SUGCT: variants seen among roughly 807,000 people sequenced by gnomAD.
SUGCT encodes the protein succinyl-CoA:glutarate CoA-transferase.
SUGCT carries 41 observed loss-of-function variants against 55.0 expected under a neutral mutation model. The observed-to-expected ratio is 0.74, with a 90% CI of 0.58 to 0.97. The LOEUF is 0.97. SUGCT is among the 50% of genes least tolerant of loss of function. The pLI, the probability that SUGCT is intolerant of heterozygous loss-of-function variation, is 0.00. For missense variants in SUGCT, 568 were observed against 547.8 expected (o/e 1.04, Z -0.37); for synonymous variants, 187 against 200.4 (o/e 0.93, Z 0.56).
chr7:41,034,999 T>C, the SUGCT span, among the ~76,000 whole-genome samples: 1,481 of 152,234 alleles, frequency 9.7e-3, 21 homozygotes, highest in African/African-American at 0.034. Flanking sequence ...GGCTGGCCAA[T>C]GGTCTGAGAA....
intron 12 of SUGCT, among the ~76,000 whole-genome samples, chr7:40,543,222 G>A (rs1794800717): frequency 6.6e-6 from 1 of 152,146 alleles, no homozygotes; most frequent in South Asian, 2.1e-4. Flanking sequence ...CCTGCTGTAG[G>A]AAGCAGAGAT....
the SUGCT span, among the ~76,000 whole-genome samples, chr7:41,037,067 A>G: frequency 1.3e-5 from 2 of 152,206 alleles, no homozygotes; most frequent in African/African-American, 4.8e-5. Flanking sequence ...CACTTATAAA[A>G]TGGATAGACA....
chr7:40,803,629 C>T (rs537526169), intron 13 of SUGCT, among the ~76,000 whole-genome samples: 2 of 152,070 alleles, frequency 1.3e-5, no homozygotes, highest in African/African-American at 2.4e-5. Flanking sequence ...TATTTTTGAA[C>T]AATTAAAAAT....
At chr7:40,954,160 C>T in the SUGCT span, among the ~76,000 whole-genome samples, 2 of 152,212 alleles carry the variant, frequency 1.3e-5, no homozygotes, top group East Asian at 3.9e-4. Flanking sequence ...GGCGGGTGCC[C>T]CTCCCCCAGC....
intron 1 of SUGCT, among the ~76,000 whole-genome samples, chr7:40,172,807 G>A (rs1035408042): frequency 2.0e-4 from 31 of 152,262 alleles, no homozygotes; most frequent in African/African-American, 7.0e-4. Context: ...CAGAAGGGTT[G>A]GGGGTTGTTA....
At chr7:40,714,409 A>G (rs915389422) in intron 12 of SUGCT, among the ~76,000 whole-genome samples, 16 of 152,172 alleles carry the variant, frequency 1.1e-4, no homozygotes, top group African/African-American at 3.6e-4. Context: ...CAAATTCAAA[A>G]GATTCTCTGA....
the SUGCT span, among the ~76,000 whole-genome samples, chr7:40,898,017 G>C: frequency 2.0e-5 from 3 of 152,100 alleles, no homozygotes; most frequent in Admixed American, 6.5e-5. Flanking sequence ...CGGTGTGAAA[G>C]GTGTGTTCTT....
chr7:40,576,563 G>T (rs1360044005), intron 12 of SUGCT, among the ~76,000 whole-genome samples: 1 of 152,182 alleles, frequency 6.6e-6, no homozygotes, highest in Non-Finnish European at 1.5e-5. Context: ...TAGTACAAGG[G>T]CATAGGGCAT....
At chr7:40,207,543 G>C (rs1029070379) in intron 6 of SUGCT, among the ~76,000 whole-genome samples, 2 of 152,092 alleles carry the variant, frequency 1.3e-5, no homozygotes, top group Admixed American at 1.3e-4. Flanking sequence ...GAAGCTGGGC[G>C]TGGTGGTTCA....
intron 12 of SUGCT, among the ~76,000 whole-genome samples, chr7:40,631,853 C>A (rs1386927816): frequency 6.6e-6 from 1 of 152,184 alleles, no homozygotes; most frequent in African/African-American, 2.4e-5. Context: ...AGGCTCCTAT[C>A]TTTTCTTCTA....
rs1791623376 is a variant in SUGCT, at chr7:40,267,013, C to T, written c.577-7500C>T. ...CCTGGGAGACAGAGCAAGACTCCAT[C>T]TAAAAAAAACAAAAACAAACAAACA... On this transcript the variant is annotated intron_variant, in intron 7 of 13. Transcript: ENST00000335693. 4.0e-5 allele frequency among the ~76,000 whole-genome samples: 4 copies of T among 99,888 alleles called. No individual in the cohort carries two copies. The Admixed American group carries it at 4.6e-4, about 11-fold the overall frequency. The allele number at this position is 99,888 out of a possible 152,430, so 65.5% of individuals were successfully genotyped here.
At chr7:40,995,885 C>T in the SUGCT span, among the ~76,000 whole-genome samples, 2 of 152,064 alleles carry the variant, frequency 1.3e-5, no homozygotes, top group Non-Finnish European at 2.9e-5. Flanking sequence ...CTCTCCAGGT[C>T]ATTTATGAAA....
At chr7:40,846,899 T>G (rs535370772) in intron 13 of SUGCT, among the ~76,000 whole-genome samples, 2 of 152,214 alleles carry the variant, frequency 1.3e-5, no homozygotes, top group Non-Finnish European at 2.9e-5. Flanking sequence ...AATGGTGTCA[T>G]AATGATCCTA....
intron 9 of SUGCT, among the ~76,000 whole-genome samples, chr7:40,397,938 C>G (rs909848536): frequency 1.3e-5 from 2 of 152,190 alleles, no homozygotes; most frequent in Non-Finnish European, 2.9e-5. Context: ...TCCTCAATCT[C>G]TGACTGAGGT....
intron 6 of SUGCT, among the ~76,000 whole-genome samples, chr7:40,231,021 C>G (rs11762020): frequency 6.6e-6 from 1 of 151,892 alleles, no homozygotes; most frequent in Admixed American, 6.6e-5. Context: ...CATTGTTATT[C>G]TAGATACGGG....
intron 7 of SUGCT, among the ~76,000 whole-genome samples, chr7:40,246,774 T>C (rs1452495837): frequency 6.6e-6 from 1 of 152,004 alleles, no homozygotes; most frequent in African/African-American, 2.4e-5. Flanking sequence ...TTTTTTTGTA[T>C]TTTTGGTAGA....
chr7:40,560,175 A>T (rs920699551), intron 12 of SUGCT, among the ~76,000 whole-genome samples: 1 of 152,232 alleles, frequency 6.6e-6, no homozygotes, highest in Non-Finnish European at 1.5e-5. Flanking sequence ...GGCCCTAAGC[A>T]TACAGCTAGG....
In SUGCT at chr7:40,504,723, C is replaced by T. The variant is rs367676243; in HGVS notation, c.1089+8337C>T. ...TGCTGGGGTAACAGGTGTGAGCCAC[C>T]GTGCCCGGCCTAGATCCAGTTGTCT... is the stretch of plus-strand genomic sequence containing the variant. On this transcript the variant is annotated intron_variant, in intron 12 of 13. Coordinates refer to ENST00000335693, the MANE Select transcript of SUGCT (RefSeq NM_001193313.2). Among the ~76,000 whole-genome samples the T allele has an allele frequency of 6.6e-4, 101 of 152,216 alleles. No homozygotes were observed. The South Asian group carries it at 0.018, about 28-fold the overall frequency.
chr7:40,440,961 A>C (rs892448544), intron 9 of SUGCT, among the ~76,000 whole-genome samples: 3 of 152,032 alleles, frequency 2.0e-5, no homozygotes, highest in Admixed American at 2.0e-4. Context: ...CTGTCTTTAA[A>C]AAAAAAAAAG....
Sources: allele counts gnomAD v4.1 joint callset (sites outside exome capture counted in the v4.1 genomes callset), GRCh38; gene constraint gnomAD v4.1.1; transcripts MANE v1.5; gene names NCBI Gene and HGNC (gene_info 2026-07-23, HGNC 2026-07-21).